The following ITPR2 variants were observed in gnomAD, a reference collection of about 807,000 sequenced individuals.
ITPR2 encodes inositol 1,4,5-trisphosphate-gated calcium channel ITPR2.
In ITPR2, 207 loss-of-function variants were observed where a neutral mutation model predicts 317.1. The ratio of observed to expected loss-of-function variants is 0.65; its 90% CI spans 0.58 to 0.73. ITPR2 has a LOEUF of 0.73. Ranked by LOEUF, ITPR2 falls within the 30% of genes least tolerant of loss-of-function variation. ITPR2 has a pLI of 0.00. For missense variants in ITPR2, 2,613 were observed against 3,284.0 expected, an observed-to-expected ratio of 0.80 and a Z score of 4.99; for synonymous variants, 1,156 against 1,149.1, an observed-to-expected ratio of 1.01 and a Z score of -0.12.
At chr12:26,781,453 A>T (rs962764801) in intron 2 of ITPR2, among the ~76,000 whole-genome samples, 6 of 152,164 alleles carry the variant, frequency 3.9e-5, no homozygotes, top group African/African-American at 1.4e-4. Context: ...TCATATCAGC[A>T]TTTAAGTATT....
At chr12:26,761,279 G>A (rs566821840) in intron 2 of ITPR2, among the ~76,000 whole-genome samples, 21 of 152,322 alleles carry the variant, frequency 1.4e-4, no homozygotes, top group Admixed American at 7.2e-4. Flanking sequence ...ATCTCTGGAC[G>A]GGCTGATTGG....
In ITPR2 at chr12:26,656,300, T is replaced by C. The variant is rs757770076; in HGVS notation, c.2441A>G (p.His814Arg). ...CAAGACCTTTTTCCAAACATACTCATGAATTGTGATCTTTGTGGGGATTTC... is the reference window on the plus strand; with the variant it reads ...CAAGACCTTTTTCCAAACATACTCACGAATTGTGATCTTTGTGGGGATTTC... ...WTEIPTKITIHEYDSITDSSR... is the reference protein window; with the variant it reads ...WTEIPTKITIREYDSITDSSR... Residue 814 changes from histidine to arginine, a missense_variant, in exon 19 of 57, where the codon CAT (histidine) becomes CGT (arginine). This residue lies in a region of ITPR2 where 817 missense variants were observed against 897.6 expected (regional missense o/e 0.91). Transcript: ENST00000381340. 1.9e-6 allele frequency: 3 copies of C among 1,614,126 alleles called. No individual in the cohort carries two copies. The Admixed American group carries it at 5.0e-5, about 27-fold the overall frequency.
At chr12:26,798,457 A>G (rs1057277547) in intron 1 of ITPR2, among the ~76,000 whole-genome samples, 1 of 152,136 alleles carries the variant, frequency 6.6e-6, no homozygotes, top group East Asian at 1.9e-4. Flanking sequence ...TTTAGCATCT[A>G]TTTTTTTGAA....
intron 12 of ITPR2, 81 bp downstream of exon 12, chr12:26,682,491 AAC>A: frequency 1.2e-6 from 1 of 811,494 alleles, no homozygotes; most frequent in Non-Finnish European, 2.0e-6. Flanking sequence ...GAGTATAAGG[AAC>A]ATGTGTCACA....
intron 18 of ITPR2, 126 bp from the exon 19 acceptor site, chr12:26,656,674 C>A (rs1372673144): frequency 1.1e-6 from 1 of 919,490 alleles, no homozygotes; most frequent in African/African-American, 1.6e-5. Flanking sequence ...TGGAGTCAAA[C>A]TCTTGACTGT....
chr12:26,641,598 A>G (rs1376862346), intron 21 of ITPR2, among the ~76,000 whole-genome samples: 1 of 152,214 alleles, frequency 6.6e-6, no homozygotes, highest in African/African-American at 2.4e-5. Context: ...ATAATATCCG[A>G]CACGCTGGAC....
intron 48 of ITPR2, among the ~76,000 whole-genome samples, chr12:26,432,975 C>G (rs1941254599): frequency 1.3e-5 from 2 of 152,182 alleles, no homozygotes; most frequent in African/African-American, 4.8e-5. Context: ...ATCAGAGAAC[C>G]TTCACCACCA....
chr12:26,530,096 G>A lies in ITPR2; in HGVS notation c.5073+20151C>T, dbSNP rs145675355. The stretch of plus-strand genomic sequence containing the variant: ...ATCCATAAGAGAGAAGGAGATCAGA[G>A]AATCAGGATACAGACCTCAAAAGCT... On this transcript the variant is annotated intron_variant, in intron 37 of 56. Transcript: ENST00000381340. Among the ~76,000 whole-genome samples, 839 of 152,298 alleles carry A rather than the reference G, an allele frequency of 5.5e-3. 9 individuals carry two copies. Among genetic ancestry groups the A allele is most frequent in the African/African-American group, 0.019 (798 of 41,576 alleles).
intron 55 of ITPR2, among the ~76,000 whole-genome samples, chr12:26,385,853 T>C (rs1018261872): frequency 6.6e-6 from 1 of 152,078 alleles, no homozygotes; most frequent in Non-Finnish European, 1.5e-5. Flanking sequence ...CTCTCCATCT[T>C]GAAGCCTTCG....
At chr12:26,432,726 G>C (rs1941245247) in intron 48 of ITPR2, among the ~76,000 whole-genome samples, 1 of 151,412 alleles carries the variant, frequency 6.6e-6, no homozygotes, top group Non-Finnish European at 1.5e-5. Flanking sequence ...TGAACTCCTG[G>C]ATTCTTATTT....
chr12:26,833,149 T>G lies in ITPR2; in HGVS notation c.-368A>C. On this transcript the variant is annotated 5_prime_UTR_variant, in exon 1 of 57. Transcript: ENST00000381340. The stretch of plus-strand genomic sequence containing the variant: ...CGCTCCCCACTCCGTGTCCACTCCC[T>G]GCTCTGCGACCCGCTGCGGCCGTCA... 4.3e-6 allele frequency: 1 copy of G among 230,402 alleles called. No individual in the cohort carries two copies. 14.3% of individuals were successfully genotyped at this position (230,402 alleles called of 1,614,324 possible). A position where few individuals can be genotyped will look rare whatever the true frequency, so the allele number is the denominator to read the frequency against.
chr12:26,736,197 C>T (rs1354956975), intron 2 of ITPR2, among the ~76,000 whole-genome samples: 1 of 152,002 alleles, frequency 6.6e-6, no homozygotes, highest in African/African-American at 2.4e-5. Context: ...AAGGGAATAC[C>T]CTAAGATCTT....
chr12:26,508,148 A>T (rs1424056372), intron 37 of ITPR2, among the ~76,000 whole-genome samples: 1 of 152,126 alleles, frequency 6.6e-6, no homozygotes, highest in Non-Finnish European at 1.5e-5. Flanking sequence ...ATTACAGGTC[A>T]CTTTAAAATC....
intron 37 of ITPR2, among the ~76,000 whole-genome samples, chr12:26,523,703 A>T (rs12372554): frequency 0.59 from 89,059 of 152,070 alleles, 29,198 homozygotes; most frequent in Non-Finnish European, 0.76. Flanking sequence ...GGAATTACAA[A>T]GGCAATTTAT....
At chr12:26,650,352 G>A (rs371109461) in intron 21 of ITPR2, among the ~76,000 whole-genome samples, 62 of 152,096 alleles carry the variant, frequency 4.1e-4, no homozygotes, top group African/African-American at 1.4e-3. Context: ...GATGCTGTAC[G>A]ATACTATAAT....
chr12:26,736,729 C>T (rs959971221), intron 2 of ITPR2, among the ~76,000 whole-genome samples: 3 of 152,060 alleles, frequency 2.0e-5, no homozygotes, highest in African/African-American at 4.8e-5. Context: ...TGTGCTGAAC[C>T]GGCGGAAAAG....
chr12:26,747,643 T>C (rs1949348034), intron 2 of ITPR2, among the ~76,000 whole-genome samples: 1 of 152,236 alleles, frequency 6.6e-6, no homozygotes, highest in Admixed American at 6.5e-5. Flanking sequence ...CTGAAGCTCA[T>C]GGCTCATCAC....
chr12:26,359,802 G>C (rs943679288), intron 55 of ITPR2, among the ~76,000 whole-genome samples: 2 of 151,990 alleles, frequency 1.3e-5, no homozygotes, highest in Non-Finnish European at 2.9e-5. Flanking sequence ...AGCACATGGC[G>C]TCACCCGGAT....
intron 26 of ITPR2, among the ~76,000 whole-genome samples, chr12:26,603,916 A>G (rs1946060898): frequency 6.6e-6 from 1 of 152,166 alleles, no homozygotes; most frequent in African/African-American, 2.4e-5. Flanking sequence ...GATCTATTCA[A>G]AATTGCACTT....
Sources: gnomAD v4.1 joint callset for allele counts (sites outside exome capture counted in the v4.1 genomes callset) on GRCh38, gnomAD v4.1.1 for gene constraint, gnomAD v4.1.1 regional missense constraint, MANE v1.5 for transcripts, NCBI Gene and HGNC (gene_info 2026-07-23, HGNC 2026-07-21) for gene names.